OPN3: variants seen among roughly 807,000 people sequenced by gnomAD.
OPN3 encodes opsin-3.
Under a neutral mutation model 33.8 loss-of-function variants are expected in OPN3, and 29 were observed. The ratio of observed to expected loss-of-function variants is 0.86; its 90% CI spans 0.64 to 1.17. OPN3 has a LOEUF of 1.17. Among genes scored for constraint, OPN3 ranks in the 50% most tolerant of loss-of-function variants. The pLI, the probability that OPN3 is intolerant of heterozygous loss-of-function variation, is 0.00. For synonymous variants in OPN3, 216 were observed against 216.1 expected, an observed-to-expected ratio of 1.00 and a Z score of 0.00; for missense variants, 437 against 514.1, an observed-to-expected ratio of 0.85 and a Z score of 1.45.
At chr1:241,621,729 G>A (rs1256164476) in intron 1 of OPN3, among the ~76,000 whole-genome samples, 1 of 152,118 alleles carries the variant, frequency 6.6e-6, no homozygotes, top group Admixed American at 6.6e-5. Flanking sequence ...CTCATGAAGG[G>A]AGGATCCAGT....
At chr1:241,630,868 C>A (rs1282721726) in intron 1 of OPN3, 1 of 152,008 alleles carries the variant, frequency 6.6e-6, no homozygotes, top group African/African-American at 2.4e-5. Flanking sequence ...AATGGCTGTT[C>A]TGCTTAACAC....
intron 2 of OPN3, among the ~76,000 whole-genome samples, chr1:241,603,165 G>T (rs538214738): frequency 3.9e-5 from 6 of 152,238 alleles, no homozygotes; most frequent in Non-Finnish European, 8.8e-5. Context: ...TCAGAATACA[G>T]AATCGAGTTG....
In OPN3 at chr1:241,638,368, G is replaced by T. The variant is rs997161514; in HGVS notation, c.373+1514C>A. ...GTGGATGACAGCTAGCACTTATAAA[G>T]AACTCAGTACACCCTTGTGTTCAAA... On this transcript the variant is annotated intron_variant, in intron 1 of 3. Transcript: ENST00000366554. Among the ~76,000 whole-genome samples the T allele has an allele frequency of 5.9e-5, 9 of 152,118 alleles. 1 individual carries two copies. Among genetic ancestry groups the T allele is most frequent in the African/African-American group, 2.2e-4 (9 of 41,394 alleles).
intron 1 of OPN3, among the ~76,000 whole-genome samples, chr1:241,613,259 T>C (rs974375846): frequency 6.6e-6 from 1 of 152,220 alleles, no homozygotes; most frequent in South Asian, 2.1e-4. Flanking sequence ...TTATCTCACT[T>C]AATCTTCATA....
intron 1 of OPN3, chr1:241,615,804 A>G: frequency 2.2e-6 from 1 of 455,772 alleles, no homozygotes; most frequent in South Asian, 1.5e-5. Context: ...TGGCTCTATG[A>G]CTATAGTTAC....
chr1:241,620,302 AATAAC>A (rs1664241362), intron 1 of OPN3, among the ~76,000 whole-genome samples: 1 of 152,202 alleles, frequency 6.6e-6, no homozygotes, highest in South Asian at 2.1e-4. Flanking sequence ...AATTAACTTT[AATAAC>A]ATATTTTATT....
chr1:241,638,901 A>G (rs1165463372), intron 1 of OPN3, among the ~76,000 whole-genome samples: 1 of 152,234 alleles, frequency 6.6e-6, no homozygotes, highest in African/African-American at 2.4e-5. Context: ...ATAAAGTATC[A>G]ATGGATTTCA....
chr1:241,634,715 C>T lies in OPN3; in HGVS notation c.373+5167G>A, dbSNP rs780716614. Reference sequence around the variant, plus strand: ...TGCGTTAAGACCATCTATTGTAGTGCAAGATGATTCTGATGTCATTGCAAT... The same window carrying T: ...TGCGTTAAGACCATCTATTGTAGTGTAAGATGATTCTGATGTCATTGCAAT... On this transcript the variant is annotated intron_variant, in intron 1 of 3. Transcript: ENST00000366554. 35 of 1,613,758 alleles carry T rather than the reference C, an allele frequency of 2.2e-5. No individual in the cohort carries two copies. The East Asian group carries it at 4.0e-4, about 18-fold the overall frequency.
chr1:241,601,470 C>G (rs1663675413), intron 2 of OPN3, among the ~76,000 whole-genome samples: 1 of 151,778 alleles, frequency 6.6e-6, no homozygotes, highest in Admixed American at 6.6e-5. Flanking sequence ...TTTGGGAGGC[C>G]AAGGCGGGCA....
chr1:241,627,909 G>T (rs624385), intron 1 of OPN3, among the ~76,000 whole-genome samples: 113,440 of 152,048 alleles, frequency 0.75, 42,844 homozygotes, highest in African/African-American at 0.86. Context: ...CTTTATGATC[G>T]AATTTCTTTA....
chr1:241,625,334 T>C (rs1664386528), intron 1 of OPN3, among the ~76,000 whole-genome samples: 1 of 152,182 alleles, frequency 6.6e-6, no homozygotes, highest in African/African-American at 2.4e-5. Context: ...TTGTTATATA[T>C]GTGTAATTTG....
At chr1:241,615,503 G>C (rs1371882866) in intron 1 of OPN3, among the ~76,000 whole-genome samples, 1 of 151,900 alleles carries the variant, frequency 6.6e-6, no homozygotes. Context: ...TCTCGTATTT[G>C]CTTTTAAAAC....
rs769941699 is a variant in OPN3, at chr1:241,635,469, CTG to C, written c.373+4411_373+4412del. On this transcript the variant is annotated intron_variant, in intron 1 of 3. Coordinates refer to ENST00000366554, the MANE Select transcript of OPN3 (RefSeq NM_014322.3). ...TCCTGACTGGCGTAGCAAAAAGCTT[CTG>C]TGTGTTGAATAGTTTCATCCTTCTT... The C allele has an allele frequency of 5.6e-6, 9 of 1,613,760 alleles. No individual in the cohort carries two copies. In the East Asian group the frequency reaches 2.0e-4, roughly 36 times the overall value.
intron 1 of OPN3, among the ~76,000 whole-genome samples, chr1:241,638,157 A>C (rs1664974655): frequency 6.6e-6 from 1 of 152,194 alleles, no homozygotes; most frequent in Non-Finnish European, 1.5e-5. Context: ...AACAGGGAGA[A>C]AGTCATGGTT....
At chr1:241,631,932 G>A (rs149404071) in intron 1 of OPN3, 3 of 152,156 alleles carry the variant, frequency 2.0e-5, no homozygotes, top group African/African-American at 7.2e-5. Flanking sequence ...ACAAAAGGCT[G>A]GGTCCCCATG....
At chr1:241,608,190 C>A (rs2148004794) in intron 1 of OPN3, among the ~76,000 whole-genome samples, 1 of 152,128 alleles carries the variant, frequency 6.6e-6, no homozygotes, top group East Asian at 1.9e-4. Context: ...CTTTCATAGG[C>A]AAGAAAACTC....
intron 1 of OPN3, chr1:241,633,928 T>G (rs751665271): frequency 1.2e-6 from 2 of 1,613,898 alleles, no homozygotes; most frequent in Admixed American, 3.3e-5. Context: ...TAATGTCTTC[T>G]GGATTTGGAG....
At chr1:241,639,858 C>A in intron 1 of OPN3, 24 bp downstream of exon 1, 1 of 1,498,118 alleles carries the variant, frequency 6.7e-7, no homozygotes. Context: ...AGAGGGGAGG[C>A]TGCCTTCTCC....
intron 3 of OPN3, among the ~76,000 whole-genome samples, chr1:241,596,086 A>C (rs1663500513): frequency 6.6e-6 from 1 of 152,234 alleles, no homozygotes; most frequent in Non-Finnish European, 1.5e-5. Flanking sequence ...CTGAAGGAGA[A>C]TATTCATTTA....
Sources: allele counts gnomAD v4.1 joint callset (sites outside exome capture counted in the v4.1 genomes callset), GRCh38; gene constraint gnomAD v4.1.1; transcripts MANE v1.5; gene names NCBI Gene and HGNC (gene_info 2026-07-23, HGNC 2026-07-21).